NDUFA9: variants seen among roughly 807,000 people sequenced by gnomAD.
NDUFA9 encodes NADH dehydrogenase [ubiquinone] 1 alpha subcomplex subunit 9, mitochondrial.
Under a neutral mutation model 45.9 loss-of-function variants are expected in NDUFA9, and 23 were observed. That is an observed-to-expected ratio of 0.50 (90% CI 0.36 to 0.71). The LOEUF is 0.71. Among genes scored for constraint, NDUFA9 ranks in the 30% least tolerant of loss-of-function variants. NDUFA9 has a pLI of 0.00. For synonymous variants in NDUFA9, 176 were observed against 170.5 expected (o/e 1.03, Z -0.25); for missense variants, 466 against 488.2 (o/e 0.95, Z 0.43).
intron 8 of NDUFA9, among the ~76,000 whole-genome samples, chr12:4,675,270 A>C (rs1237221455): frequency 6.6e-6 from 1 of 152,214 alleles, no homozygotes; most frequent in Non-Finnish European, 1.5e-5. Flanking sequence ...GAGAAGCAGG[A>C]ACAAACAAAT....
At chr12:4,685,196 G>A in intron 9 of NDUFA9, 63 bp from the exon 10 acceptor site, 1 of 1,424,120 alleles carries the variant, frequency 7.0e-7, no homozygotes, top group Non-Finnish European at 9.9e-7. Context: ...GTTCTCATAG[G>A]CTAGCTTACA....
chr12:4,656,736 A>T (rs949937665), intron 3 of NDUFA9, among the ~76,000 whole-genome samples: 24 of 152,238 alleles, frequency 1.6e-4, no homozygotes, highest in African/African-American at 5.5e-4. Flanking sequence ...CTTAATCGTC[A>T]TAATAACCTC....
intron 6 of NDUFA9, among the ~76,000 whole-genome samples, chr12:4,666,013 CG>C (rs900714051): frequency 2.0e-5 from 3 of 152,068 alleles, no homozygotes; most frequent in Non-Finnish European, 4.4e-5. Flanking sequence ...CTCTCTTGCC[CG>C]GGCTGGACTC....
rs1456312280 is a variant in NDUFA9, at chr12:4,691,812, A to AT, written c.*4705dup. The AT allele has an allele frequency of 1.0e-4, 6 of 58,616 alleles. No individual in the cohort carries two copies. Among genetic ancestry groups the AT allele is most frequent in the African/African-American group, 3.0e-4 (6 of 19,914 alleles). 3.6% of individuals were successfully genotyped at this position (58,616 alleles called of 1,614,324 possible). On this transcript the variant is annotated 3_prime_UTR_variant, in exon 11 of 11. Transcript: ENST00000266544. ...CCATGTGGATCCTGTGAGGGCCAGGATGGGGGGGGGGGTCATGGGTCATCT... is the reference window on the plus strand; with the variant it reads ...CCATGTGGATCCTGTGAGGGCCAGGATTGGGGGGGGGGGTCATGGGTCATCT...
At chr12:4,679,021 A>G (rs1169841794) in intron 8 of NDUFA9, among the ~76,000 whole-genome samples, 19 of 152,268 alleles carry the variant, frequency 1.2e-4, no homozygotes, top group Non-Finnish European at 1.5e-5. Flanking sequence ...AACATCCCAC[A>G]TATTCATTAA....
intron 6 of NDUFA9, among the ~76,000 whole-genome samples, chr12:4,663,862 G>A (rs762363973): frequency 3.3e-5 from 5 of 152,094 alleles, no homozygotes; most frequent in Non-Finnish European, 7.3e-5. Context: ...AAATATGGAC[G>A]TTAAGGGTGA....
chr12:4,681,025 A>G (rs1303995558), intron 8 of NDUFA9, among the ~76,000 whole-genome samples: 1 of 152,152 alleles, frequency 6.6e-6, no homozygotes, highest in African/African-American at 2.4e-5. Flanking sequence ...AAGAGGCAGT[A>G]CAGTAAATGA....
chr12:4,661,528 A>G (rs537825409), intron 5 of NDUFA9, among the ~76,000 whole-genome samples: 7 of 152,068 alleles, frequency 4.6e-5, no homozygotes, highest in Admixed American at 2.0e-4. Flanking sequence ...AGGGAGGCCA[A>G]TGGAGTTCTT....
chr12:4,652,501 C>G (rs1170221841), intron 1 of NDUFA9, among the ~76,000 whole-genome samples: 7 of 152,204 alleles, frequency 4.6e-5, no homozygotes, highest in Non-Finnish European at 1.0e-4. Flanking sequence ...CCACCTACAG[C>G]CACATCCTCC....
intron 5 of NDUFA9, among the ~76,000 whole-genome samples, chr12:4,659,614 G>T (rs1262738289): frequency 6.6e-6 from 1 of 152,148 alleles, no homozygotes; most frequent in East Asian, 1.9e-4. Flanking sequence ...ATTAATATTT[G>T]CCAGGGAAGA....
At chr12:4,656,864 T>C (rs961411837) in intron 3 of NDUFA9, among the ~76,000 whole-genome samples, 3 of 152,262 alleles carry the variant, frequency 2.0e-5, no homozygotes, top group African/African-American at 2.4e-5. Flanking sequence ...AGCCACTGTT[T>C]AGACTGTGTC....
At position 4,662,535 on chromosome 12, in the gene NDUFA9, T is replaced by C; in HGVS notation, c.555T>C (p.Ala185=). 6.2e-7 allele frequency: 1 copy of C among 1,613,342 alleles called. No individual in the cohort carries two copies. The highest frequency in any genetic ancestry group is 8.5e-7 in the Non-Finnish European group (1 of 1,179,314). Residue 185 remains alanine (A), a splice_region_variant and synonymous_variant, in exon 6 of 11, where the codon GCT becomes GCC. Transcript: ENST00000266544. ...KSSSRYLRNK[A]VGEKVVRDAF... ...AGGTTTGTTTGGTTATTGTTTAGGC[T>C]GTTGGAGAGAAAGTAGTGAGAGATG...
intron 8 of NDUFA9, among the ~76,000 whole-genome samples, chr12:4,676,516 C>A (rs1945921030): frequency 6.6e-6 from 1 of 152,030 alleles, no homozygotes; most frequent in Admixed American, 6.6e-5. Flanking sequence ...CATGAGTGAA[C>A]CAAATCATGA....
At chr12:4,663,045 C>G (rs1371613292) in intron 6 of NDUFA9, among the ~76,000 whole-genome samples, 1 of 152,180 alleles carries the variant, frequency 6.6e-6, no homozygotes, top group East Asian at 1.9e-4. Context: ...TTTGCCTTTT[C>G]CAGGATATTA....
intron 5 of NDUFA9, among the ~76,000 whole-genome samples, chr12:4,662,059 A>G (rs1392363935): frequency 6.6e-6 from 1 of 152,342 alleles, no homozygotes; most frequent in East Asian, 1.9e-4. Flanking sequence ...CTAGTAGATG[A>G]TAACAAGTAA....
chr12:4,658,456 A>G (rs946083076), intron 4 of NDUFA9, among the ~76,000 whole-genome samples: 6 of 152,214 alleles, frequency 3.9e-5, no homozygotes, highest in African/African-American at 1.4e-4. Flanking sequence ...AGTGTATTGT[A>G]CAGAGTAAAC....
chr12:4,652,289 A>G (rs568391532), intron 1 of NDUFA9, among the ~76,000 whole-genome samples: 2 of 152,228 alleles, frequency 1.3e-5, no homozygotes, highest in Non-Finnish European at 2.9e-5. Flanking sequence ...AAATCATGTC[A>G]TTTCCATCAG....
rs778181440 is a variant in NDUFA9 at position 4,682,307 on chromosome 12, A to G, written c.896+7A>G. On this transcript the variant is annotated splice_region_variant and intron_variant, in intron 9 of 10. Transcript: ENST00000266544. Reference sequence around the variant, plus strand: ...TGCCGCTTTTTGCCTATCGGTAAGTAGAGTGCTCCTTTTGTGTGACTTCTG... The same window carrying G: ...TGCCGCTTTTTGCCTATCGGTAAGTGGAGTGCTCCTTTTGTGTGACTTCTG... 1 of 1,595,346 alleles carries G rather than the reference A, an allele frequency of 6.3e-7. No homozygotes were observed. Among genetic ancestry groups the G allele is most frequent in the Non-Finnish European group, 8.6e-7 (1 of 1,163,584 alleles).
intron 6 of NDUFA9, among the ~76,000 whole-genome samples, chr12:4,664,272 A>G (rs1945840623): frequency 1.3e-5 from 2 of 152,344 alleles, no homozygotes; most frequent in African/African-American, 2.4e-5. Flanking sequence ...GCGACTCACC[A>G]ACTAACAAGC....
Sources: gnomAD v4.1 joint callset for allele counts (sites outside exome capture counted in the v4.1 genomes callset) on GRCh38, gnomAD v4.1.1 for gene constraint, MANE v1.5 for transcripts, NCBI Gene and HGNC (gene_info 2026-07-23, HGNC 2026-07-21) for gene names.